The following ATXN2 variants were observed in gnomAD, a reference collection of about 807,000 sequenced individuals.
ATXN2 encodes the protein ataxin 2, also known as ataxin-2.
ATXN2 carries 37 observed loss-of-function variants against 138.6 expected under a neutral mutation model. The observed-to-expected ratio is 0.27, with a 90% CI of 0.21 to 0.35. The LOEUF is 0.35. Among genes scored for constraint, ATXN2 ranks in the 10% least tolerant of loss-of-function variants. The probability of loss-of-function intolerance (pLI) is 1.00; values close to 1 mark genes in which losing one functional copy is unlikely to be tolerated. For synonymous variants in ATXN2, 549 were observed against 543.7 expected (o/e 1.01, Z -0.13); for missense variants, 1,216 against 1,480.3 (o/e 0.82, Z 2.93).
In ATXN2 at chr12:111,452,425, CTTGAT is replaced by C. The variant is rs1448072258; in HGVS notation, c.*382_*386del. On this transcript the variant is annotated 3_prime_UTR_variant, in exon 25 of 25. Coordinates refer to ENST00000673436, the MANE Select transcript of ATXN2 (RefSeq NM_001372574.1). ...AGTTTAGTAAAAGGGCGTTCCAAGT[CTTGAT>C]TTTTTTTTTTTTTTTTTTTTAGCAG... 1 of 144,838 alleles carries C rather than the reference CTTGAT, an allele frequency of 6.9e-6. No individual in the cohort carries two copies. The highest frequency in any genetic ancestry group is 1.4e-5 in the Non-Finnish European group (1 of 71,314). The allele number at this position is 144,838 out of a possible 1,614,324, so 9.0% of individuals were successfully genotyped here. A position where few individuals can be genotyped will look rare whatever the true frequency, so the allele number is the denominator to read the frequency against.
intron 5 of ATXN2, among the ~76,000 whole-genome samples, chr12:111,536,160 T>C (rs1881161533): frequency 6.6e-6 from 1 of 152,146 alleles, no homozygotes; most frequent in Non-Finnish European, 1.5e-5. Flanking sequence ...AAAAGCAATG[T>C]CTAAGAATTT....
rs762775732 is a variant in ATXN2, at chr12:111,453,844, G to C, written c.3272C>G (p.Ala1091Gly). The C allele has an allele frequency of 6.2e-7, 1 of 1,605,406 alleles. No homozygotes were observed. Among genetic ancestry groups the C allele is most frequent in the African/African-American group, 1.3e-5 (1 of 74,622 alleles). ...AGGAACCATTCCTGACTGTACATGAGCCTGAAACAGAGAGCTCTTTTACGC... is the reference window on the plus strand; with the variant it reads ...AGGAACCATTCCTGACTGTACATGACCCTGAAACAGAGAGCTCTTTTACGC... ...NPPHMAHVPQAHVQSGMVPSH... is the reference protein window; with the variant it reads ...NPPHMAHVPQGHVQSGMVPSH... The change falls in exon 24 of 25, where the codon GCT becomes GGT. Residue 1091 changes from alanine (A) to glycine (G), a missense_variant and splice_region_variant. Ala to Gly is a moderately conservative substitution (Grantham distance 60). This residue lies in a region of ATXN2 where 490 missense variants were observed against 653.5 expected (regional missense o/e 0.75). Coordinates refer to ENST00000673436, the MANE Select transcript of ATXN2 (RefSeq NM_001372574.1). This position sits in a 1 kb window ranked among gnomAD's most constrained non-coding sequence, Gnocchi z 5.4.
intron 1 of ATXN2, among the ~76,000 whole-genome samples, chr12:111,557,463 GA>G (rs1882452981): frequency 6.6e-6 from 1 of 152,178 alleles, no homozygotes; most frequent in Non-Finnish European, 1.5e-5. Flanking sequence ...ATAAATTCCT[GA>G]AGTCTAAGGA....
intron 1 of ATXN2, among the ~76,000 whole-genome samples, chr12:111,558,407 A>C (rs1249918066): frequency 6.6e-6 from 1 of 152,250 alleles, no homozygotes; most frequent in Non-Finnish European, 1.5e-5. Context: ...TAGATAGATC[A>C]GGTTTAACAA....
At chr12:111,532,008 A>C (rs1268874649) in intron 5 of ATXN2, among the ~76,000 whole-genome samples, 3 of 152,256 alleles carry the variant, frequency 2.0e-5, no homozygotes, top group Non-Finnish European at 4.4e-5. Flanking sequence ...ATTAAGATCC[A>C]GTAACAGGTT....
intron 1 of ATXN2, among the ~76,000 whole-genome samples, chr12:111,560,703 C>T (rs1882634460): frequency 6.7e-6 from 1 of 149,296 alleles, no homozygotes; most frequent in Non-Finnish European, 1.5e-5. Context: ...CAACCATAGG[C>T]TAATGAGGTA....
chr12:111,536,158 T>A (rs1165642387), intron 5 of ATXN2, among the ~76,000 whole-genome samples: 3 of 152,174 alleles, frequency 2.0e-5, no homozygotes, highest in Admixed American at 1.3e-4. Flanking sequence ...ATAAAAGCAA[T>A]GTCTAAGAAT....
chr12:111,491,379 C>G (rs1878021151), intron 14 of ATXN2, among the ~76,000 whole-genome samples: 1 of 152,146 alleles, frequency 6.6e-6, no homozygotes, highest in Admixed American at 6.5e-5. Flanking sequence ...AGTCATGGTA[C>G]TGTGCTGGGC....
intron 1 of ATXN2, among the ~76,000 whole-genome samples, chr12:111,592,806 A>AAAAAAAAAAAAAAATT: frequency 6.8e-6 from 1 of 147,546 alleles, no homozygotes; most frequent in Non-Finnish European, 1.5e-5. Flanking sequence ...AAAAAAAAAG[A>AAAAAAAAAAAAAAATT]TAATAGGTGT....
intron 7 of ATXN2, 70 bp from the exon 8 acceptor site, chr12:111,520,146 A>G: frequency 6.5e-7 from 1 of 1,540,704 alleles, no homozygotes; most frequent in Non-Finnish European, 8.8e-7. Flanking sequence ...GTCATAATCA[A>G]CTACTAAGAA....
chr12:111,477,392 G>C (rs1876898756), intron 18 of ATXN2, among the ~76,000 whole-genome samples: 1 of 151,980 alleles, frequency 6.6e-6, no homozygotes, highest in African/African-American at 2.4e-5. Flanking sequence ...ATGGAAAACA[G>C]AGGCTGGTGC....
Position 111,533,375 on chromosome 12 carries a change from A to G in ATXN2, c.572-8059T>C, listed in dbSNP as rs191203797. 2.7e-4 allele frequency among the ~76,000 whole-genome samples: 41 copies of G among 152,290 alleles called. No individual in the cohort carries two copies. The East Asian group carries it at 7.3e-3, about 27-fold the overall frequency. ...GTGTAGTATTTGCATACTCTCGCAT[A>G]CTTTAAACCTCTAGGTTACCTATAA... On this transcript the variant is annotated intron_variant, in intron 5 of 24. Coordinates refer to ENST00000673436, the MANE Select transcript of ATXN2 (RefSeq NM_001372574.1).
At chr12:111,482,366 T>C (rs1036271694) in intron 18 of ATXN2, among the ~76,000 whole-genome samples, 1 of 151,908 alleles carries the variant, frequency 6.6e-6, no homozygotes, top group Non-Finnish European at 1.5e-5. Context: ...AGCTAATTGT[T>C]TGTATTTTTA....
At position 111,486,757 on chromosome 12, in the gene ATXN2, C is replaced by CT; in HGVS notation, c.2304+3dup. On this transcript the variant is annotated splice_donor_region_variant and intron_variant, in intron 16 of 24. Transcript: ENST00000673436. ...GATAACCTCAAAGAAAGTAATAAACCTACCTGAGAGAAGGAACGTGGGTTG... is the reference window on the plus strand; with the variant it reads ...GATAACCTCAAAGAAAGTAATAAACCTTACCTGAGAGAAGGAACGTGGGTTG... The CT allele has an allele frequency of 1.2e-6, 2 of 1,607,202 alleles. No individual in the cohort carries two copies. Among genetic ancestry groups the CT allele is most frequent in the Non-Finnish European group, 1.7e-6 (2 of 1,174,648 alleles).
chr12:111,477,912 A>G (rs996062916), intron 18 of ATXN2, among the ~76,000 whole-genome samples: 1 of 151,776 alleles, frequency 6.6e-6, no homozygotes, highest in Non-Finnish European at 1.5e-5. Flanking sequence ...CAGCCCCCCA[A>G]GTAGCTGGGA....
intron 16 of ATXN2, 62 bp from the exon 17 acceptor site, chr12:111,485,927 A>T: frequency 6.6e-7 from 1 of 1,511,290 alleles, no homozygotes; most frequent in Non-Finnish European, 9.0e-7. Flanking sequence ...ATTGCAATTT[A>T]AAGACGGATT....
At chr12:111,582,104 C>T (rs1182508783) in intron 1 of ATXN2, among the ~76,000 whole-genome samples, 8 of 152,044 alleles carry the variant, frequency 5.3e-5, no homozygotes, top group Admixed American at 3.3e-4. Flanking sequence ...GAGGCCAAGG[C>T]AAGAGGAGTA....
chr12:111,545,322 C>T (rs1592885657), intron 5 of ATXN2, among the ~76,000 whole-genome samples: 1 of 150,494 alleles, frequency 6.6e-6, no homozygotes, highest in Non-Finnish European at 1.5e-5. Flanking sequence ...GATGGCCAGG[C>T]GTGGTGGCTC....
At chr12:111,466,901 C>T (rs901566640) in intron 20 of ATXN2, among the ~76,000 whole-genome samples, 2 of 151,748 alleles carry the variant, frequency 1.3e-5, no homozygotes, top group Non-Finnish European at 2.9e-5. Context: ...AAATTTATGA[C>T]AATATATTTA....
Sources: gnomAD v4.1 joint callset for allele counts (sites outside exome capture counted in the v4.1 genomes callset) on GRCh38, gnomAD v4.1.1 for gene constraint, gnomAD v4.1.1 regional missense constraint, Gnocchi (gnomAD v3.1) non-coding constraint, MANE v1.5 for transcripts, NCBI Gene and HGNC (gene_info 2026-07-23, HGNC 2026-07-21) for gene names.